The following PPARGC1A variants were observed in gnomAD, a reference collection of about 807,000 sequenced individuals.
The protein encoded by PPARGC1A is PPARG coactivator 1 alpha.
Under a neutral mutation model 88.7 loss-of-function variants are expected in PPARGC1A, and 25 were observed. That is an observed-to-expected ratio of 0.28 (90% CI 0.21 to 0.39). PPARGC1A has a LOEUF of 0.39. Among genes scored for constraint, PPARGC1A ranks in the 10% least tolerant of loss-of-function variants. PPARGC1A has a pLI of 1.00. For synonymous variants in PPARGC1A, 363 were observed against 355.6 expected, an observed-to-expected ratio of 1.02 and a Z score of -0.24; for missense variants, 880 against 968.7, an observed-to-expected ratio of 0.91 and a Z score of 1.22.
At chr4:24,351,446 G>A in the PPARGC1A span, among the ~76,000 whole-genome samples, 4 of 151,360 alleles carry the variant, frequency 2.6e-5, no homozygotes, top group African/African-American at 9.7e-5. Flanking sequence ...TAGATTAGAG[G>A]AAAAATGCGA....
the PPARGC1A span, among the ~76,000 whole-genome samples, chr4:23,988,948 A>T: frequency 6.8e-6 from 1 of 147,598 alleles, no homozygotes; most frequent in Non-Finnish European, 1.5e-5. Flanking sequence ...TAATATATAA[A>T]ATATATACTA....
chr4:24,092,711 C>CTAAA, the PPARGC1A span, among the ~76,000 whole-genome samples: 2 of 152,176 alleles, frequency 1.3e-5, no homozygotes, highest in Admixed American at 6.5e-5. Flanking sequence ...AGGAATGAGA[C>CTAAA]TAAAGCCCAT....
chr4:24,358,429 C>T, the PPARGC1A span, among the ~76,000 whole-genome samples: 1 of 152,180 alleles, frequency 6.6e-6, no homozygotes, highest in Admixed American at 6.5e-5. Flanking sequence ...CAGATTCAGA[C>T]CCAGGTGTTC....
the PPARGC1A span, among the ~76,000 whole-genome samples, chr4:24,117,595 T>C: frequency 6.6e-6 from 1 of 151,036 alleles, no homozygotes; most frequent in African/African-American, 2.4e-5. Context: ...CAATTAACTT[T>C]CAACAGCACC....
At chr4:23,922,444 T>G in the PPARGC1A span, among the ~76,000 whole-genome samples, 4 of 152,248 alleles carry the variant, frequency 2.6e-5, no homozygotes. Context: ...GTGGAATAGA[T>G]GCATTCACAC....
At chr4:24,096,813 A>C in the PPARGC1A span, among the ~76,000 whole-genome samples, 419 of 152,332 alleles carry the variant, frequency 2.8e-3, 5 homozygotes, top group East Asian at 0.052. Context: ...ACTAATAAGA[A>C]ATAGAGTTTT....
chr4:23,956,895 T>C, the PPARGC1A span, among the ~76,000 whole-genome samples: 1 of 152,118 alleles, frequency 6.6e-6, no homozygotes, highest in Non-Finnish European at 1.5e-5. Context: ...GGCACAATTG[T>C]ATTTCATTTC....
At chr4:24,356,890 T>G in the PPARGC1A span, among the ~76,000 whole-genome samples, 1 of 152,068 alleles carries the variant, frequency 6.6e-6, no homozygotes, top group Non-Finnish European at 1.5e-5. Flanking sequence ...CTCACCCAAT[T>G]CCCCTCCATA....
chr4:24,043,332 C>T, the PPARGC1A span, among the ~76,000 whole-genome samples: 1 of 152,156 alleles, frequency 6.6e-6, no homozygotes, highest in South Asian at 2.1e-4. Flanking sequence ...CTTGTTCAAA[C>T]TCTTCGAGTG....
chr4:24,097,073 G>A, the PPARGC1A span, among the ~76,000 whole-genome samples: 15 of 152,278 alleles, frequency 9.9e-5, no homozygotes, highest in South Asian at 2.1e-4. Context: ...CAGCCTGGGC[G>A]ACAGAGTGAG....
the PPARGC1A span, among the ~76,000 whole-genome samples, chr4:24,305,384 G>A: frequency 6.6e-6 from 1 of 151,974 alleles, no homozygotes; most frequent in Admixed American, 6.6e-5. Context: ...GTGACTTTGG[G>A]CACATTAATT....
chr4:24,204,345 T>C, the PPARGC1A span, among the ~76,000 whole-genome samples: 1 of 152,168 alleles, frequency 6.6e-6, no homozygotes, highest in African/African-American at 2.4e-5. Context: ...ATAGGTTCTT[T>C]GAGGGCAAAA....
the PPARGC1A span, among the ~76,000 whole-genome samples, chr4:24,027,229 G>GTGTGTGTGTGTGTC: frequency 1.5e-3 from 209 of 143,354 alleles, 1 homozygote; most frequent in African/African-American, 5.0e-3. Context: ...CTGTGTGTCT[G>GTGTGTGTGTGTGTC]TGTGTGTCTG....
At chr4:24,371,189 C>T in the PPARGC1A span, among the ~76,000 whole-genome samples, 6 of 152,074 alleles carry the variant, frequency 3.9e-5, no homozygotes, top group Non-Finnish European at 7.4e-5. Context: ...CATTGATGGG[C>T]ATTTGGATTG....
intron 1 of PPARGC1A, chr4:23,889,117 CTG>C (rs1268834714): frequency 1.0e-6 from 1 of 985,350 alleles, no homozygotes; most frequent in African/African-American, 1.7e-5. Flanking sequence ...CCAGCAGAGA[CTG>C]TGGAATTGAT....
At chr4:24,394,517 A>G in the PPARGC1A span, among the ~76,000 whole-genome samples, 19 of 152,338 alleles carry the variant, frequency 1.2e-4, no homozygotes, top group African/African-American at 4.6e-4. Context: ...TACTAAAGAT[A>G]ATTGAACAGA....
the PPARGC1A span, among the ~76,000 whole-genome samples, chr4:24,448,796 C>T: frequency 6.6e-6 from 1 of 152,112 alleles, no homozygotes; most frequent in Non-Finnish European, 1.5e-5. Flanking sequence ...TGAAACCATG[C>T]CTATCAACTT....
At chr4:23,830,219 A>C (rs1384809884) in intron 3 of PPARGC1A, among the ~76,000 whole-genome samples, 1 of 152,216 alleles carries the variant, frequency 6.6e-6, no homozygotes, top group Non-Finnish European at 1.5e-5. Context: ...TGGATAAAAG[A>C]ATGACTATCA....
chr4:24,199,006 C>A, the PPARGC1A span, among the ~76,000 whole-genome samples: 3 of 152,170 alleles, frequency 2.0e-5, no homozygotes, highest in Non-Finnish European at 4.4e-5. Flanking sequence ...GACAGATCAG[C>A]ATCTGTTGCC....
Sources: allele counts gnomAD v4.1 joint callset (sites outside exome capture counted in the v4.1 genomes callset), GRCh38; gene constraint gnomAD v4.1.1; transcripts MANE v1.5; gene names NCBI Gene and HGNC (gene_info 2026-07-23, HGNC 2026-07-21).